Variants in MIPEP observed in about 807,000 individuals in gnomAD.
MIPEP encodes the protein mitochondrial intermediate peptidase.
A neutral mutation model predicts 90.3 loss-of-function variants in MIPEP; 79 were observed. The observed-to-expected ratio is 0.87, with a 90% CI of 0.73 to 1.05. MIPEP has a LOEUF of 1.05. Among genes scored for constraint, MIPEP ranks in the 50% least tolerant of loss-of-function variants. MIPEP has a pLI of 0.00. For missense variants in MIPEP, 940 were observed against 905.6 expected, an observed-to-expected ratio of 1.04 and a Z score of -0.49; for synonymous variants, 334 against 315.8, an observed-to-expected ratio of 1.06 and a Z score of -0.61.
In MIPEP at chr13:23,836,350, C is replaced by CA; in HGVS notation, c.1544-2_1544-1insT. On this transcript the variant is annotated splice_acceptor_variant, in intron 13 of 18. Transcript: ENST00000382172. LOFTEE classifies it high-confidence loss of function. ...GCAAAATCAGTAGGGCACCTGGTCC[C>CA]TAAAACAAGAAAAAAAAAAAAGTTG... 6.5e-7 allele frequency: 1 copy of CA among 1,547,092 alleles called. No homozygotes were observed. The highest frequency in any genetic ancestry group is 2.2e-5 in the Admixed American group (1 of 45,826).
intron 10 of MIPEP, among the ~76,000 whole-genome samples, chr13:23,854,726 T>G (rs1380479035): frequency 6.6e-6 from 1 of 151,966 alleles, no homozygotes; most frequent in Non-Finnish European, 1.5e-5. Context: ...ACTCTGTCTC[T>G]ACTAAAAATA....
At chr13:23,771,007 A>G (rs1952644013) in intron 16 of MIPEP, among the ~76,000 whole-genome samples, 1 of 152,082 alleles carries the variant, frequency 6.6e-6, no homozygotes, top group African/African-American at 2.4e-5. Context: ...TGAATTCACA[A>G]CTGGCCAGCA....
At chr13:23,764,405 T>A (rs1015547600) in intron 16 of MIPEP, among the ~76,000 whole-genome samples, 16 of 152,198 alleles carry the variant, frequency 1.1e-4, no homozygotes, top group African/African-American at 3.9e-4. Context: ...ATGCCACGAT[T>A]TTCCAGGGCC....
Position 23,730,273 on chromosome 13 carries a change from GCT to G in MIPEP, c.*73_*74del. 1.1e-6 allele frequency: 1 copy of G among 896,502 alleles called. No individual in the cohort carries two copies. The highest frequency in any genetic ancestry group is 1.8e-6 in the Non-Finnish European group (1 of 565,930). 55.5% of individuals were successfully genotyped at this position (896,502 alleles called of 1,614,324 possible). ...AAGCGAACAATGAAATCAGAAACAA[GCT>G]CTCACAGCTGTAGCATTTATAACAA... On this transcript the variant is annotated 3_prime_UTR_variant, in exon 19 of 19. Transcript: ENST00000382172.
At chr13:23,773,440 CAT>C (rs1435103268) in intron 16 of MIPEP, among the ~76,000 whole-genome samples, 3 of 152,050 alleles carry the variant, frequency 2.0e-5, no homozygotes, top group Non-Finnish European at 4.4e-5. Context: ...TTTGGGTGGG[CAT>C]ATGTTTTCAG....
At chr13:23,819,392 C>CT (rs746054805) in intron 14 of MIPEP, among the ~76,000 whole-genome samples, 82 of 152,100 alleles carry the variant, frequency 5.4e-4, no homozygotes, top group Non-Finnish European at 1.1e-3. Context: ...AATCAATCGG[C>CT]TTTTTTTTCT....
Position 23,889,214 on chromosome 13 carries a change from A to C in MIPEP, c.107T>G (p.Val36Gly). 7.0e-7 allele frequency: 1 copy of C among 1,437,682 alleles called. No individual in the cohort carries two copies. The highest frequency in any genetic ancestry group is 9.1e-7 in the Non-Finnish European group (1 of 1,095,952). 89.1% of individuals were successfully genotyped at this position (1,437,682 alleles called of 1,614,324 possible). ...GCCCACGGGAGACCAGCTGGTGCTGACCCTTCGGGCCCGGATCCCGGCTTC... is the reference window on the plus strand; with the variant it reads ...GCCCACGGGAGACCAGCTGGTGCTGCCCCTTCGGGCCCGGATCCCGGCTTC... ...SLEAGIRARR[V>G]STSWSPVGAA... Residue 36 changes from valine to glycine, a missense_variant, in exon 1 of 19, where the codon GTC becomes GGC. Transcript: ENST00000382172.
intron 10 of MIPEP, among the ~76,000 whole-genome samples, chr13:23,849,421 G>T (rs1368796116): frequency 1.3e-5 from 2 of 152,162 alleles, no homozygotes; most frequent in Non-Finnish European, 2.9e-5. Flanking sequence ...TTTTTGTAAA[G>T]AATTCCATGG....
chr13:23,875,779 C>T (rs1593205881), intron 4 of MIPEP, among the ~76,000 whole-genome samples: 2 of 152,164 alleles, frequency 1.3e-5, no homozygotes, highest in African/African-American at 4.8e-5. Context: ...ATCACTAATC[C>T]TATCAAAGAT....
intron 18 of MIPEP, among the ~76,000 whole-genome samples, chr13:23,748,387 T>C (rs932424124): frequency 3.3e-5 from 5 of 152,224 alleles, no homozygotes; most frequent in African/African-American, 1.2e-4. Context: ...GCTTAGACTT[T>C]ATTGAGGGGC....
At chr13:23,756,486 T>C (rs1952492309) in intron 18 of MIPEP, 59 bp downstream of exon 18, 11 of 1,536,096 alleles carry the variant, frequency 7.2e-6, no homozygotes, top group Non-Finnish European at 9.9e-6. Context: ...GAAAAAAACA[T>C]ATGGAGAAAA....
intron 16 of MIPEP, among the ~76,000 whole-genome samples, chr13:23,786,399 C>T (rs151203827): frequency 1.4e-4 from 21 of 151,692 alleles, no homozygotes; most frequent in African/African-American, 3.9e-4. Flanking sequence ...TAACAGGAAA[C>T]GGAAAAAGTC....
intron 10 of MIPEP, among the ~76,000 whole-genome samples, chr13:23,852,453 G>C (rs1305297536): frequency 6.6e-6 from 1 of 152,194 alleles, no homozygotes; most frequent in African/African-American, 2.4e-5. Context: ...TGTCAGCAAT[G>C]AACCACATAT....
rs368720561 is a variant in MIPEP, at chr13:23,753,143, GCATAAACC to G, written c.2044+3394_2044+3401del. Reference sequence around the variant, plus strand: ...CTCAGGAGGCTGAGGCAGGAGAAGTGCATAAACCCAGGAGGTGGAGGTTGCAGTGAGGG... The same window carrying G: ...CTCAGGAGGCTGAGGCAGGAGAAGTGCAGGAGGTGGAGGTTGCAGTGAGGG... On this transcript the variant is annotated intron_variant, in intron 18 of 18. Coordinates refer to ENST00000382172, the MANE Select transcript of MIPEP (RefSeq NM_005932.4). 2.9e-4 allele frequency among the ~76,000 whole-genome samples: 44 copies of G among 151,198 alleles called. No individual in the cohort carries two copies. The East Asian group carries it at 8.2e-3, about 28-fold the overall frequency.
intron 10 of MIPEP, 110 bp downstream of exon 10, chr13:23,858,750 G>T: frequency 1.2e-6 from 1 of 851,488 alleles, no homozygotes; most frequent in South Asian, 1.4e-5. Flanking sequence ...AAAGAATGGT[G>T]TCAGGGGAAG....
chr13:23,773,000 A>ACAAT (rs1351770335), intron 16 of MIPEP, among the ~76,000 whole-genome samples: 3 of 152,214 alleles, frequency 2.0e-5, no homozygotes, highest in African/African-American at 7.2e-5. Context: ...CACACACCAT[A>ACAAT]TAATTCACTC....
chr13:23,869,533 T>G, intron 6 of MIPEP, 85 bp from the exon 7 acceptor site: 4 of 1,214,872 alleles, frequency 3.3e-6, no homozygotes, highest in Non-Finnish European at 4.5e-6. Context: ...GCTCACCACT[T>G]GATCTGCAGA....
At chr13:23,846,307 T>A (rs1869537877) in intron 10 of MIPEP, among the ~76,000 whole-genome samples, 1 of 152,148 alleles carries the variant, frequency 6.6e-6, no homozygotes. Context: ...ATAGCTGCTA[T>A]TAGTAGTAAG....
intron 14 of MIPEP, among the ~76,000 whole-genome samples, chr13:23,815,301 C>G (rs1352115196): frequency 3.6e-5 from 5 of 139,740 alleles, no homozygotes. Context: ...AAGGAATGTA[C>G]TTCCATAGTT....
Sources: gnomAD v4.1 joint callset for allele counts (sites outside exome capture counted in the v4.1 genomes callset) on GRCh38, gnomAD v4.1.1 for gene constraint, MANE v1.5 for transcripts, NCBI Gene and HGNC (gene_info 2026-07-23, HGNC 2026-07-21) for gene names.